SLCO5A1: variants seen among roughly 807,000 people sequenced by gnomAD.
SLCO5A1 encodes the protein solute carrier organic anion transporter family member 5A1, also known as organic anion transporter polypeptide-related protein 4.
In SLCO5A1, 39 loss-of-function variants were observed where a neutral mutation model predicts 65.1. That is an observed-to-expected ratio of 0.60 (90% CI 0.46 to 0.78). The LOEUF is 0.78. SLCO5A1 is among the 30% of genes least tolerant of loss of function. The pLI, the probability that SLCO5A1 is intolerant of heterozygous loss-of-function variation, is 0.00. For missense variants in SLCO5A1, 1,029 were observed against 1,069.4 expected, an observed-to-expected ratio of 0.96 and a Z score of 0.53; for synonymous variants, 438 against 415.7, an observed-to-expected ratio of 1.05 and a Z score of -0.65.
At position 69,668,895 on chromosome 8, in the gene SLCO5A1, T is replaced by C. The variant is rs1430991818; in HGVS notation, c.*3974A>G. The C allele has an allele frequency of 3.3e-5, 5 of 152,164 alleles. No individual in the cohort carries two copies. Among genetic ancestry groups the C allele is most frequent in the African/African-American group, 4.8e-5 (2 of 41,434 alleles). The allele number at this position is 152,164 out of a possible 1,614,324, so 9.4% of individuals were successfully genotyped here. ...AACAATCGGGATCAGTGGTTTGATA[T>C]GTATTTTATGTGTGTTCACTTAAAA... On this transcript the variant is annotated 3_prime_UTR_variant, in exon 10 of 10. Coordinates refer to ENST00000260126, the MANE Select transcript of SLCO5A1 (RefSeq NM_030958.3).
At position 69,781,726 on chromosome 8, in the gene SLCO5A1, C is replaced by T. The variant is rs1304744732; in HGVS notation, c.908-19851G>A. Among the ~76,000 whole-genome samples, 12 of 152,110 alleles carry T rather than the reference C, an allele frequency of 7.9e-5. No individual in the cohort carries two copies. In the South Asian group the frequency reaches 1.9e-3, roughly 24 times the overall value. On this transcript the variant is annotated intron_variant, in intron 2 of 9. Coordinates refer to ENST00000260126, the MANE Select transcript of SLCO5A1 (RefSeq NM_030958.3). ...AGGCTGGAGTGCAATGGCGCGATCT[C>T]GGCTCATCACAACCTCCACCTCCCA...
intron 2 of SLCO5A1, among the ~76,000 whole-genome samples, chr8:69,814,388 C>G (rs1820322601): frequency 2.0e-5 from 3 of 152,024 alleles, no homozygotes; most frequent in Non-Finnish European, 4.4e-5. Flanking sequence ...CTCAAAAGAA[C>G]ACATACAAAT....
At chr8:69,758,786 A>C (rs1817633619) in intron 3 of SLCO5A1, among the ~76,000 whole-genome samples, 1 of 152,206 alleles carries the variant, frequency 6.6e-6, no homozygotes, top group African/African-American at 2.4e-5. Context: ...AGTGTGCAGT[A>C]CCTGTTGGAA....
At chr8:69,685,140 T>C (rs2130792338) in intron 6 of SLCO5A1, among the ~76,000 whole-genome samples, 1 of 152,252 alleles carries the variant, frequency 6.6e-6, no homozygotes, top group East Asian at 1.9e-4. Flanking sequence ...TGGGCATTCA[T>C]GAAAAAGTTA....
At chr8:69,784,999 AAAG>A (rs1046177337) in intron 2 of SLCO5A1, among the ~76,000 whole-genome samples, 1 of 151,472 alleles carries the variant, frequency 6.6e-6, no homozygotes, top group African/African-American at 2.4e-5. Flanking sequence ...AAAGCGAAAG[AAAG>A]AAAGAAAAGA....
intron 4 of SLCO5A1, among the ~76,000 whole-genome samples, chr8:69,745,597 T>C (rs1816980562): frequency 6.6e-6 from 1 of 152,294 alleles, no homozygotes; most frequent in African/African-American, 2.4e-5. Flanking sequence ...CCCCTCTTAA[T>C]GCTTTTCATA....
intron 6 of SLCO5A1, among the ~76,000 whole-genome samples, chr8:69,693,624 T>C (rs1814368622): frequency 1.3e-5 from 2 of 152,254 alleles, no homozygotes; most frequent in African/African-American, 4.8e-5. Context: ...TCTAGCTGTT[T>C]GACTTCAAGC....
At chr8:69,800,696 A>G (rs893760639) in intron 2 of SLCO5A1, among the ~76,000 whole-genome samples, 2 of 152,210 alleles carry the variant, frequency 1.3e-5, no homozygotes, top group African/African-American at 4.8e-5. Flanking sequence ...ATAATCACGA[A>G]GGTTTATTCC....
chr8:69,701,053 G>A (rs976009369), intron 6 of SLCO5A1, among the ~76,000 whole-genome samples: 1 of 152,078 alleles, frequency 6.6e-6, no homozygotes, highest in East Asian at 1.9e-4. Context: ...ATTGTGTCCA[G>A]ATGAGAGTAG....
At chr8:69,760,327 T>C (rs750444258) in intron 3 of SLCO5A1, among the ~76,000 whole-genome samples, 5 of 152,210 alleles carry the variant, frequency 3.3e-5, no homozygotes, top group Non-Finnish European at 5.9e-5. Flanking sequence ...TTCTGTATGA[T>C]TTAAAAATTC....
chr8:69,697,663 C>A (rs1027705176), intron 6 of SLCO5A1, among the ~76,000 whole-genome samples: 7 of 151,946 alleles, frequency 4.6e-5, no homozygotes, highest in African/African-American at 1.5e-4. Context: ...GAGGGTAAAT[C>A]ATTCCTTAAG....
At chr8:69,719,218 A>C (rs1298517106) in intron 5 of SLCO5A1, among the ~76,000 whole-genome samples, 1 of 152,260 alleles carries the variant, frequency 6.6e-6, no homozygotes, top group Admixed American at 6.5e-5. Flanking sequence ...GACGGGTTGA[A>C]AATCTTAACC....
intron 2 of SLCO5A1, among the ~76,000 whole-genome samples, chr8:69,821,834 A>G (rs1204380280): frequency 6.6e-6 from 1 of 151,734 alleles, no homozygotes; most frequent in Non-Finnish European, 1.5e-5. Flanking sequence ...AAAAGAAAAG[A>G]AAAACAATAT....
intron 5 of SLCO5A1, among the ~76,000 whole-genome samples, chr8:69,714,135 T>C (rs1815402847): frequency 6.6e-6 from 1 of 152,222 alleles, no homozygotes; most frequent in Non-Finnish European, 1.5e-5. Context: ...TATATCTCAA[T>C]CTTACTGTTG....
chr8:69,805,011 C>G lies in SLCO5A1; in HGVS notation c.907+26756G>C, dbSNP rs77737419. On this transcript the variant is annotated intron_variant, in intron 2 of 9. Transcript: ENST00000260126. ...ACAAACCAGGTGTTAACTCCTTCCTCTTATCAGAGAATGACAGTCATCATT... is the reference window on the plus strand; with the variant it reads ...ACAAACCAGGTGTTAACTCCTTCCTGTTATCAGAGAATGACAGTCATCATT... Among the ~76,000 whole-genome samples the G allele has an allele frequency of 1.0e-3, 154 of 152,158 alleles. No homozygotes were observed. In the East Asian group the frequency reaches 0.017, roughly 17 times the overall value.
At chr8:69,711,697 G>A (rs1202273035) in intron 5 of SLCO5A1, among the ~76,000 whole-genome samples, 1 of 152,164 alleles carries the variant, frequency 6.6e-6, no homozygotes, top group African/African-American at 2.4e-5. Context: ...CATGTCTTCA[G>A]GCAAATTACT....
At chr8:69,812,473 G>A (rs1242039758) in intron 2 of SLCO5A1, among the ~76,000 whole-genome samples, 2 of 152,220 alleles carry the variant, frequency 1.3e-5, no homozygotes, top group African/African-American at 2.4e-5. Flanking sequence ...AAAACTGGAT[G>A]ATCTGCAAGG....
chr8:69,771,621 G>A (rs1384143958), intron 2 of SLCO5A1, among the ~76,000 whole-genome samples: 1 of 152,102 alleles, frequency 6.6e-6, no homozygotes, highest in South Asian at 2.1e-4. Flanking sequence ...TTTGTGATCA[G>A]TTTTGGTGAT....
intron 7 of SLCO5A1, among the ~76,000 whole-genome samples, chr8:69,680,398 A>T (rs10089953): frequency 0.62 from 94,097 of 152,010 alleles, 30,511 homozygotes; most frequent in African/African-American, 0.82. Context: ...TGGTTTTCTA[A>T]TCCTGCATTA....
Sources: allele counts gnomAD v4.1 joint callset (sites outside exome capture counted in the v4.1 genomes callset), GRCh38; gene constraint gnomAD v4.1.1; transcripts MANE v1.5; gene names NCBI Gene and HGNC (gene_info 2026-07-23, HGNC 2026-07-21).